Variants in KDM4C observed in about 807,000 individuals in gnomAD.
KDM4C encodes lysine-specific demethylase 4C.
In KDM4C, 81 loss-of-function variants were observed where a neutral mutation model predicts 129.3. The ratio of observed to expected loss-of-function variants is 0.63; its 90% CI spans 0.52 to 0.75. The LOEUF (loss-of-function observed/expected upper bound fraction) is 0.75, where lower values mean the gene tolerates loss of function less well. KDM4C is among the 30% of genes least tolerant of loss of function. KDM4C has a pLI of 0.00. For synonymous variants in KDM4C, 573 were observed against 456.1 expected (o/e 1.26, Z -3.26); for missense variants, 1,457 against 1,304.0 (o/e 1.12, Z -1.81).
rs763287900 is a variant in KDM4C, at chr9:7,013,773, C to T, written c.1969-15C>T. On this transcript the variant is annotated splice_polypyrimidine_tract_variant and intron_variant, in intron 13 of 21. Transcript: ENST00000381309. Reference sequence around the variant, plus strand: ...TCCATGTTTTTCACTCATGTGGAAACGTTATGTTTTTCAGCCAGATAGCAG... The same window carrying T: ...TCCATGTTTTTCACTCATGTGGAAATGTTATGTTTTTCAGCCAGATAGCAG... 1.2e-5 allele frequency: 20 copies of T among 1,611,214 alleles called. No individual in the cohort carries two copies. Among genetic ancestry groups the T allele is most frequent in the East Asian group, 4.5e-5 (2 of 44,860 alleles).
intron 8 of KDM4C, among the ~76,000 whole-genome samples, chr9:6,937,800 C>T (rs778486240): frequency 5.3e-5 from 8 of 152,228 alleles, no homozygotes; most frequent in Admixed American, 5.2e-4. Flanking sequence ...CAACCTCTGC[C>T]TCCCGGGTTC....
intron 1 of KDM4C, among the ~76,000 whole-genome samples, chr9:6,737,769 G>A (rs3098371): frequency 0.56 from 85,451 of 151,422 alleles, 24,498 homozygotes; most frequent in African/African-American, 0.68. Flanking sequence ...ATCACTAATC[G>A]TTAAAGAAAT....
chr9:7,085,680 A>T (rs1255901851), intron 17 of KDM4C, among the ~76,000 whole-genome samples: 1 of 151,632 alleles, frequency 6.6e-6, no homozygotes, highest in Non-Finnish European at 1.5e-5. Flanking sequence ...ATTTTAATTT[A>T]TTTTTTCTGT....
chr9:7,173,579 C>T (rs569667700), intron 21 of KDM4C, among the ~76,000 whole-genome samples: 58 of 152,242 alleles, frequency 3.8e-4, no homozygotes, highest in South Asian at 8.3e-4. Flanking sequence ...GAGGTGAGGG[C>T]CTGCCCCATA....
At chr9:6,839,818 G>T (rs550680340) in intron 4 of KDM4C, among the ~76,000 whole-genome samples, 1 of 151,982 alleles carries the variant, frequency 6.6e-6, no homozygotes, top group African/African-American at 2.4e-5. Flanking sequence ...CAGGAGAATC[G>T]CTTGAACCTG....
chr9:7,068,761 A>G (rs984888904), intron 17 of KDM4C, among the ~76,000 whole-genome samples: 3 of 136,904 alleles, frequency 2.2e-5, no homozygotes, highest in South Asian at 2.2e-4. Flanking sequence ...CAATGGTGCA[A>G]TCTTGGCTCA....
intron 5 of KDM4C, among the ~76,000 whole-genome samples, chr9:6,856,843 C>T (rs551239411): frequency 6.6e-5 from 10 of 150,820 alleles, no homozygotes; most frequent in South Asian, 2.1e-4. Flanking sequence ...CTGCAAGCTC[C>T]GCTTCCCGGG....
chr9:7,003,000 G>C (rs764519945), intron 12 of KDM4C, among the ~76,000 whole-genome samples: 5 of 152,170 alleles, frequency 3.3e-5, no homozygotes, highest in African/African-American at 7.2e-5. Flanking sequence ...AACTGGGACT[G>C]CAGGCGCCTG....
rs772349327 is a variant in KDM4C, at chr9:7,046,738, A to C, written c.2260-124A>C. On this transcript the variant is annotated intron_variant, in intron 15 of 21. Transcript: ENST00000381309. ...TTGAACTTCTCAGAGATAGACCTTC[A>C]TGTAATTCCTGATGGTTTTAATTTT... The C allele has an allele frequency of 5.3e-6, 4 of 752,034 alleles. No homozygotes were observed. The East Asian group carries it at 1.0e-4, about 19-fold the overall frequency. The allele number at this position is 752,034 out of a possible 1,614,324, so 46.6% of individuals were successfully genotyped here. A position where few individuals can be genotyped will look rare whatever the true frequency, so the allele number is the denominator to read the frequency against.
chr9:7,000,112 A>G (rs1225974466), intron 12 of KDM4C, among the ~76,000 whole-genome samples: 2 of 152,124 alleles, frequency 1.3e-5, no homozygotes, highest in Admixed American at 1.3e-4. Flanking sequence ...GATAAAATGG[A>G]TATTTTATCT....
At chr9:6,834,738 A>G (rs964885720) in intron 4 of KDM4C, 2 of 990,696 alleles carry the variant, frequency 2.0e-6, no homozygotes, top group South Asian at 2.5e-5. Context: ...AGGGAGCTGC[A>G]TGTGGTTCCC....
intron 3 of KDM4C, among the ~76,000 whole-genome samples, chr9:6,811,472 A>G (rs1831136227): frequency 6.6e-6 from 1 of 152,168 alleles, no homozygotes; most frequent in Non-Finnish European, 1.5e-5. Context: ...GCATTGGTGC[A>G]CCGTCTGTAA....
At chr9:6,810,880 TAAATA>T (rs1215373593) in intron 3 of KDM4C, among the ~76,000 whole-genome samples, 8 of 146,110 alleles carry the variant, frequency 5.5e-5, no homozygotes, top group Admixed American at 5.3e-4. Context: ...TCCAAAAAAA[TAAATA>T]AATAAATAAA....
intron 4 of KDM4C, among the ~76,000 whole-genome samples, chr9:6,822,158 G>C (rs567957820): frequency 6.6e-6 from 1 of 152,150 alleles, no homozygotes; most frequent in Non-Finnish European, 1.5e-5. Flanking sequence ...CCTTTTGCTG[G>C]TTTTTGTAAT....
intron 20 of KDM4C, among the ~76,000 whole-genome samples, chr9:7,165,558 T>C (rs1358835001): frequency 6.6e-6 from 1 of 152,254 alleles, no homozygotes; most frequent in Non-Finnish European, 1.5e-5. Flanking sequence ...TGGGAAACTC[T>C]TAACAGCATT....
intron 17 of KDM4C, among the ~76,000 whole-genome samples, chr9:7,065,026 C>T (rs779838154): frequency 2.0e-5 from 3 of 152,184 alleles, no homozygotes; most frequent in Non-Finnish European, 2.9e-5. Flanking sequence ...GTCCAGTGTT[C>T]TAGTGAAAGA....
chr9:7,143,491 G>GC (rs1841953862), intron 19 of KDM4C, among the ~76,000 whole-genome samples: 2 of 152,138 alleles, frequency 1.3e-5, no homozygotes, highest in Admixed American at 1.3e-4. Flanking sequence ...TCTGAACCGG[G>GC]CATTCCACAG....
chr9:6,722,431 A>G (rs906894841), intron 1 of KDM4C, among the ~76,000 whole-genome samples: 1 of 151,878 alleles, frequency 6.6e-6, no homozygotes, highest in East Asian at 1.9e-4. Flanking sequence ...TAATCCTAGC[A>G]CTTTGGGAGG....
At chr9:7,025,158 G>T (rs1339355865) in intron 15 of KDM4C, among the ~76,000 whole-genome samples, 1 of 151,954 alleles carries the variant, frequency 6.6e-6, no homozygotes, top group African/African-American at 2.4e-5. Flanking sequence ...AATCTATTTT[G>T]ACTGATACAA....
Sources: allele counts gnomAD v4.1 joint callset (sites outside exome capture counted in the v4.1 genomes callset), GRCh38; gene constraint gnomAD v4.1.1; transcripts MANE v1.5; gene names NCBI Gene and HGNC (gene_info 2026-07-23, HGNC 2026-07-21).